Variants in CSMD3 observed in about 807,000 individuals in gnomAD.
CSMD3 encodes the protein CUB and Sushi multiple domains 3.
In CSMD3, 177 loss-of-function variants were observed where a neutral mutation model predicts 435.2. The observed-to-expected ratio is 0.41, with a 90% CI of 0.36 to 0.46. CSMD3 has a LOEUF of 0.46. Among genes scored for constraint, CSMD3 ranks in the 20% least tolerant of loss-of-function variants. The pLI, the probability that CSMD3 is intolerant of heterozygous loss-of-function variation, is 0.34. For missense variants in CSMD3, 4,265 were observed against 4,504.6 expected, an observed-to-expected ratio of 0.95 and a Z score of 1.52; for synonymous variants, 1,656 against 1,520.5, an observed-to-expected ratio of 1.09 and a Z score of -2.07.
At position 113,262,253 on chromosome 8, in the gene CSMD3, T is replaced by C. The variant is rs548325154; in HGVS notation, c.514+16339A>G. Among the ~76,000 whole-genome samples, 40 of 152,202 alleles carry C rather than the reference T, an allele frequency of 2.6e-4. No homozygotes were observed. The South Asian group carries it at 7.9e-3, about 30-fold the overall frequency. On this transcript the variant is annotated intron_variant, in intron 3 of 70. Coordinates refer to ENST00000297405, the MANE Select transcript of CSMD3 (RefSeq NM_198123.2). ...CAAAATTTATTTACTAAAATAAGTT[T>C]GAGGAAAAATATGAAGAATACATTG... is the stretch of plus-strand genomic sequence containing the variant.
intron 7 of CSMD3, among the ~76,000 whole-genome samples, chr8:112,956,992 T>A (rs1320748261): frequency 4.6e-5 from 7 of 152,072 alleles, no homozygotes; most frequent in Non-Finnish European, 8.8e-5. Flanking sequence ...TCACAAAAAA[T>A]TTAAAATATG....
At chr8:113,124,827 T>C (rs1291599321) in intron 4 of CSMD3, among the ~76,000 whole-genome samples, 1 of 152,034 alleles carries the variant, frequency 6.6e-6, no homozygotes, top group East Asian at 1.9e-4. Context: ...TCCTGCATTA[T>C]TGCTCTTATC....
chr8:112,498,684 T>A (rs982652637), intron 30 of CSMD3, among the ~76,000 whole-genome samples: 1 of 152,158 alleles, frequency 6.6e-6, no homozygotes, highest in African/African-American at 2.4e-5. Flanking sequence ...CCTCACTTTA[T>A]CTCTACAGAT....
intron 59 of CSMD3, among the ~76,000 whole-genome samples, chr8:112,270,343 AGTGTGTGTGT>A (rs10577337): frequency 0.034 from 4,251 of 124,250 alleles, 127 homozygotes; most frequent in African/African-American, 0.07. Flanking sequence ...CAGAGGGGTG[AGTGTGTGTGT>A]GTGTGTGTGT....
At chr8:112,794,515 G>A (rs1007372539) in intron 13 of CSMD3, among the ~76,000 whole-genome samples, 4 of 151,702 alleles carry the variant, frequency 2.6e-5, no homozygotes, top group African/African-American at 7.3e-5. Context: ...GGCTGGTCTC[G>A]AACTCCTGAC....
chr8:112,960,950 C>A (rs924445628), intron 7 of CSMD3, among the ~76,000 whole-genome samples: 2 of 151,510 alleles, frequency 1.3e-5, no homozygotes, highest in Non-Finnish European at 3.0e-5. Flanking sequence ...CCTAATTATG[C>A]CACAATGCTC....
At chr8:112,891,482 A>C (rs1426152886) in intron 10 of CSMD3, among the ~76,000 whole-genome samples, 1 of 151,600 alleles carries the variant, frequency 6.6e-6, no homozygotes, top group African/African-American at 2.4e-5. Flanking sequence ...TTTTGGAGAC[A>C]GCTCTAGCAG....
rs963401587 is a variant in CSMD3, at chr8:112,306,080, G to A, written c.7998C>T (p.Ser2666=). 1 of 1,613,590 alleles carries A rather than the reference G, an allele frequency of 6.2e-7. No individual in the cohort carries two copies. Among genetic ancestry groups the A allele is most frequent in the South Asian group, 1.1e-5 (1 of 91,064 alleles). ...YFCNDGYRLS[S]KELTTAVCQS... ...GGCATACAGCTGTAGTGAGTTCTTT[G>A]GATGACAATCGATATCCATCATTAC... The change falls in exon 51 of 71, where the codon TCC becomes TCT. Residue 2666 remains serine, a synonymous_variant. Coordinates refer to ENST00000297405, the MANE Select transcript of CSMD3 (RefSeq NM_198123.2).
At chr8:112,583,766 A>G (rs1284683079) in intron 23 of CSMD3, among the ~76,000 whole-genome samples, 3 of 151,940 alleles carry the variant, frequency 2.0e-5, no homozygotes, top group Admixed American at 6.6e-5. Context: ...TGAACAGGTT[A>G]AAATACCCAT....
At chr8:113,010,612 T>C (rs1233565851) in intron 6 of CSMD3, among the ~76,000 whole-genome samples, 1 of 151,730 alleles carries the variant, frequency 6.6e-6, no homozygotes, top group African/African-American at 2.4e-5. Flanking sequence ...ATAAAAATCA[T>C]TAAGTTGTAT....
At chr8:113,261,224 T>C (rs2093424679) in intron 3 of CSMD3, among the ~76,000 whole-genome samples, 1 of 152,160 alleles carries the variant, frequency 6.6e-6, no homozygotes, top group African/African-American at 2.4e-5. Flanking sequence ...ACCAAAATAA[T>C]AATCTGTTAT....
rs905206768 is a variant in CSMD3 at position 113,186,897 on chromosome 8, G to A, written c.515-12981C>T. 8.6e-5 allele frequency among the ~76,000 whole-genome samples: 13 copies of A among 151,976 alleles called. No individual in the cohort carries two copies. In the East Asian group the frequency reaches 2.6e-3, roughly 30 times the overall value. The stretch of plus-strand genomic sequence containing the variant: ...AGTCCGAGTAAACACTCTACAGAGG[G>A]CTAGAAAATGAAGAATTTGTCCCTA... On this transcript the variant is annotated intron_variant, in intron 3 of 70. Coordinates refer to ENST00000297405, the MANE Select transcript of CSMD3 (RefSeq NM_198123.2).
chr8:112,789,253 A>C (rs563885222), intron 13 of CSMD3, among the ~76,000 whole-genome samples: 1 of 152,214 alleles, frequency 6.6e-6, no homozygotes, highest in East Asian at 1.9e-4. Flanking sequence ...GTCCCATTTA[A>C]GATATCTCAG....
At chr8:112,960,274 T>C (rs1257481617) in intron 7 of CSMD3, among the ~76,000 whole-genome samples, 1 of 151,706 alleles carries the variant, frequency 6.6e-6, no homozygotes, top group African/African-American at 2.4e-5. Flanking sequence ...ACTTCTTTGA[T>C]GTAATCCTTA....
At chr8:112,337,142 A>G (rs992542153) in intron 43 of CSMD3, among the ~76,000 whole-genome samples, 17 of 152,158 alleles carry the variant, frequency 1.1e-4, no homozygotes, top group Admixed American at 8.5e-4. Flanking sequence ...GCCTCTTACT[A>G]TGTGTACATA....
At chr8:112,318,776 T>C in intron 47 of CSMD3, 61 bp downstream of exon 47, 2 of 1,095,304 alleles carry the variant, frequency 1.8e-6, no homozygotes, top group Non-Finnish European at 2.8e-6. Flanking sequence ...ATCATACCTA[T>C]ATTAAGTTAA....
At chr8:112,912,640 C>T (rs776942342) in intron 10 of CSMD3, among the ~76,000 whole-genome samples, 1 of 151,910 alleles carries the variant, frequency 6.6e-6, no homozygotes, top group Non-Finnish European at 1.5e-5. Context: ...TAATGTCTCT[C>T]TGACATTAGT....
intron 31 of CSMD3, among the ~76,000 whole-genome samples, chr8:112,480,583 A>G (rs1395625689): frequency 6.6e-6 from 1 of 152,042 alleles, no homozygotes; most frequent in Non-Finnish European, 1.5e-5. Flanking sequence ...ATAGTGAGTG[A>G]GTTCTCCCAA....
At position 112,536,133 on chromosome 8, in the gene CSMD3, C is replaced by T. The variant is rs559483355; in HGVS notation, c.4564+14538G>A. Among the ~76,000 whole-genome samples, 137 of 152,224 alleles carry T rather than the reference C, an allele frequency of 9.0e-4. 5 individuals carry two copies. In the South Asian group the frequency reaches 0.027, roughly 30 times the overall value. On this transcript the variant is annotated intron_variant, in intron 27 of 70. Transcript: ENST00000297405. ...ATGGGCAAGGACTTCATGTCCAAAA[C>T]ACCAAAAGCAATGGCAACAAAAGCC...
Sources: allele counts gnomAD v4.1 joint callset (sites outside exome capture counted in the v4.1 genomes callset), GRCh38; gene constraint gnomAD v4.1.1; transcripts MANE v1.5; gene names NCBI Gene and HGNC (gene_info 2026-07-23, HGNC 2026-07-21).